The following HTR7 variants were observed in gnomAD, a reference collection of about 807,000 sequenced individuals.
HTR7 encodes 5-HT-7.
A neutral mutation model predicts 34.0 loss-of-function variants in HTR7; 16 were observed. That is an observed-to-expected ratio of 0.47 (90% confidence interval 0.32 to 0.71). HTR7 has a LOEUF of 0.71. Among genes scored for constraint, HTR7 ranks in the 30% least tolerant of loss-of-function variants. The pLI is 0.04. For synonymous variants in HTR7, 265 were observed against 260.2 expected, an observed-to-expected ratio of 1.02 and a Z score of -0.18; for missense variants, 504 against 625.5, an observed-to-expected ratio of 0.81 and a Z score of 2.07.
intron 1 of HTR7, among the ~76,000 whole-genome samples, chr10:90,809,593 C>T (rs981221352): frequency 6.6e-6 from 1 of 152,218 alleles, no homozygotes; most frequent in Non-Finnish European, 1.5e-5. Flanking sequence ...CTTGCCTCCA[C>T]TGTGAGACAA....
At chr10:90,811,777 T>C (rs183261684) in intron 1 of HTR7, among the ~76,000 whole-genome samples, 21 of 152,194 alleles carry the variant, frequency 1.4e-4, no homozygotes, top group Non-Finnish European at 2.4e-4. Context: ...AAATACCTCT[T>C]ATTCTAAGTA....
chr10:90,769,038 G>A (rs913023186), intron 1 of HTR7, among the ~76,000 whole-genome samples: 2 of 152,076 alleles, frequency 1.3e-5, no homozygotes, highest in Admixed American at 6.6e-5. Flanking sequence ...ACAGCACTAC[G>A]TTCCAAAAAA....
intron 1 of HTR7, among the ~76,000 whole-genome samples, chr10:90,784,835 CAGA>C (rs1845358424): frequency 1.3e-5 from 2 of 152,218 alleles, no homozygotes; most frequent in African/African-American, 4.8e-5. Context: ...TCATTAGTTC[CAGA>C]ACATACAGTT....
intron 1 of HTR7, among the ~76,000 whole-genome samples, chr10:90,777,479 T>TAAAA (rs1447970915): frequency 1.1e-5 from 1 of 88,562 alleles, no homozygotes; most frequent in Admixed American, 1.4e-4. Flanking sequence ...AGACTCCGTC[T>TAAAA]CAAAAAAAAA....
intron 1 of HTR7, among the ~76,000 whole-genome samples, chr10:90,794,229 A>C (rs1474460141): frequency 6.6e-6 from 1 of 152,102 alleles, no homozygotes; most frequent in East Asian, 1.9e-4. Flanking sequence ...CCACTTCCAC[A>C]TCTTGTCCCA....
At chr10:90,831,118 A>G (rs559567814) in intron 1 of HTR7, among the ~76,000 whole-genome samples, 1 of 152,218 alleles carries the variant, frequency 6.6e-6, no homozygotes, top group Non-Finnish European at 1.5e-5. Context: ...GCACATTCCA[A>G]TTAGGGTAGT....
At chr10:90,836,918 TA>T (rs915589989) in intron 1 of HTR7, among the ~76,000 whole-genome samples, 1 of 152,208 alleles carries the variant, frequency 6.6e-6, no homozygotes, top group African/African-American at 2.4e-5. Context: ...AGGTCATAGT[TA>T]GGGAGTCAGA....
At chr10:90,823,022 A>T (rs1298953518) in intron 1 of HTR7, among the ~76,000 whole-genome samples, 1 of 152,274 alleles carries the variant, frequency 6.6e-6, no homozygotes, top group Non-Finnish European at 1.5e-5. Flanking sequence ...GTGCAGGCAG[A>T]AGTCTACTGC....
chr10:90,815,236 C>T (rs113523053), intron 1 of HTR7, among the ~76,000 whole-genome samples: 19,535 of 151,920 alleles, frequency 0.13, 1,531 homozygotes, highest in East Asian at 0.19. Context: ...GGAGTACAGG[C>T]GCCCACCACC....
intron 1 of HTR7, among the ~76,000 whole-genome samples, chr10:90,798,357 C>G (rs1166488649): frequency 6.6e-6 from 1 of 152,166 alleles, no homozygotes; most frequent in Non-Finnish European, 1.5e-5. Context: ...TTAAAAACTC[C>G]TATAGCCTAA....
intron 1 of HTR7, among the ~76,000 whole-genome samples, chr10:90,806,187 A>G (rs554235158): frequency 6.8e-4 from 103 of 152,344 alleles, no homozygotes; most frequent in Non-Finnish European, 1.4e-3. Flanking sequence ...TTCAAAATGA[A>G]GAAAAAATGA....
intron 1 of HTR7, among the ~76,000 whole-genome samples, chr10:90,794,981 T>G (rs1452820241): frequency 6.6e-6 from 1 of 152,226 alleles, no homozygotes; most frequent in Admixed American, 6.5e-5. Context: ...CTGTTATACA[T>G]GTGGTCTGTC....
intron 1 of HTR7, among the ~76,000 whole-genome samples, chr10:90,843,210 C>T (rs764098182): frequency 6.6e-5 from 10 of 151,620 alleles, no homozygotes; most frequent in South Asian, 2.1e-4. Context: ...CCCTTCCTTC[C>T]GCAGTCAATC....
chr10:90,771,738 C>CAAGG (rs1845116082), intron 1 of HTR7, among the ~76,000 whole-genome samples: 1 of 152,212 alleles, frequency 6.6e-6, no homozygotes, highest in Non-Finnish European at 1.5e-5. Context: ...GACTCACAAT[C>CAAGG]TCCCTTGAAG....
chr10:90,795,666 G>T (rs746091317), intron 1 of HTR7, among the ~76,000 whole-genome samples: 1 of 152,198 alleles, frequency 6.6e-6, no homozygotes, highest in Non-Finnish European at 1.5e-5. Flanking sequence ...GCTTTGCCAA[G>T]GTTAAAAATA....
At chr10:90,855,104 T>G (rs2120138091) in intron 1 of HTR7, among the ~76,000 whole-genome samples, 1 of 152,370 alleles carries the variant, frequency 6.6e-6, no homozygotes, top group East Asian at 1.9e-4. Flanking sequence ...AATGATATGC[T>G]GATCTTCTAA....
At chr10:90,787,964 A>AC (rs1418900897) in intron 1 of HTR7, among the ~76,000 whole-genome samples, 1 of 151,966 alleles carries the variant, frequency 6.6e-6, no homozygotes, top group Non-Finnish European at 1.5e-5. Context: ...TGTCTTCGTA[A>AC]CCCACTACTC....
chr10:90,857,644 G>A lies in HTR7; in HGVS notation c.28C>T (p.Pro10Ser). The change falls in exon 1 of 4, where the codon CCG becomes TCG. Residue 10 changes from proline to serine, a missense_variant. Physicochemically the swap from Pro to Ser is moderately conservative, Grantham distance 74 (BLOSUM62 -1). Around this residue, in one of 4 missense-constraint regions of HTR7, gnomAD observed 139 missense variants for 117.1 expected, o/e 1.19. Coordinates refer to ENST00000336152, the MANE Select transcript of HTR7 (RefSeq NM_019859.4). This position sits in a 1 kb window ranked among gnomAD's most constrained non-coding sequence, Gnocchi z 6.5. ...GAGCGGAGGTGCCCGTAGAGGTCCG[G>A]GCGGCCGCTGCTGTTAACGTCCATC... Reference protein sequence around the residue: MMDVNSSGRPDLYGHLRSFL... With the variant: MMDVNSSGRSDLYGHLRSFL... The A allele has an allele frequency of 6.3e-7, 1 of 1,591,790 alleles. No individual in the cohort carries two copies. The highest frequency in any genetic ancestry group is 1.1e-5 in the South Asian group (1 of 88,620).
At chr10:90,836,652 C>T (rs1402055816) in intron 1 of HTR7, among the ~76,000 whole-genome samples, 3 of 151,972 alleles carry the variant, frequency 2.0e-5, no homozygotes, top group African/African-American at 4.8e-5. Flanking sequence ...CTAGGACTTA[C>T]AGGCGTGTAC....
Sources: gnomAD v4.1 joint callset for allele counts (sites outside exome capture counted in the v4.1 genomes callset) on GRCh38, gnomAD v4.1.1 for gene constraint, gnomAD v4.1.1 regional missense constraint, Gnocchi (gnomAD v3.1) non-coding constraint, MANE v1.5 for transcripts, NCBI Gene and HGNC (gene_info 2026-07-23, HGNC 2026-07-21) for gene names.